Variants in MAF observed in about 807,000 individuals in gnomAD.
MAF encodes the protein transcription factor Maf.
MAF carries 10 observed loss-of-function variants against 22.0 expected under a neutral mutation model. That is an observed-to-expected ratio of 0.45 (90% confidence interval 0.28 to 0.77). The LOEUF is 0.77. Ranked by LOEUF, MAF falls within the 30% of genes least tolerant of loss-of-function variation. MAF has a pLI of 0.12. For synonymous variants in MAF, 337 were observed against 255.8 expected, an observed-to-expected ratio of 1.32 and a Z score of -3.03; for missense variants, 544 against 548.4, an observed-to-expected ratio of 0.99 and a Z score of 0.08.
At chr16:79,438,238 G>A in the MAF span, among the ~76,000 whole-genome samples, 1 of 152,192 alleles carries the variant, frequency 6.6e-6, no homozygotes, top group Non-Finnish European at 1.5e-5. Context: ...CAGATTATGT[G>A]GTTCCTGCAC....
At chr16:79,345,940 T>A in the MAF span, among the ~76,000 whole-genome samples, 1 of 152,044 alleles carries the variant, frequency 6.6e-6, no homozygotes, top group Non-Finnish European at 1.5e-5. Context: ...GCCAAAAGAA[T>A]AATTTTGAAT....
At chr16:79,299,001 T>C in the MAF span, among the ~76,000 whole-genome samples, 1 of 152,266 alleles carries the variant, frequency 6.6e-6, no homozygotes, top group African/African-American at 2.4e-5. Context: ...AGTGGCCCCT[T>C]CTAAGGAATC....
the MAF span, among the ~76,000 whole-genome samples, chr16:79,293,839 G>A: frequency 1.9e-5 from 1 of 54,048 alleles, no homozygotes; most frequent in Non-Finnish European, 3.3e-5. Flanking sequence ...TAAATGAAAA[G>A]AGAGAGAGAG....
chr16:79,359,372 A>T, the MAF span, among the ~76,000 whole-genome samples: 1 of 152,194 alleles, frequency 6.6e-6, no homozygotes, highest in East Asian at 1.9e-4. Flanking sequence ...GGCACAGCAA[A>T]AAGTTTCTCT....
At chr16:79,552,870 T>G in the MAF span, among the ~76,000 whole-genome samples, 208 of 152,330 alleles carry the variant, frequency 1.4e-3, 1 homozygote, top group African/African-American at 4.8e-3. Context: ...AGAGCTATGA[T>G]TCTAATGCCA....
the MAF span, among the ~76,000 whole-genome samples, chr16:79,240,773 A>G: frequency 6.6e-6 from 1 of 151,924 alleles, no homozygotes; most frequent in Non-Finnish European, 1.5e-5. Context: ...GTAGGGGCCA[A>G]TGGACACCTC....
chr16:79,358,106 C>G, the MAF span, among the ~76,000 whole-genome samples: 2 of 152,224 alleles, frequency 1.3e-5, no homozygotes. Flanking sequence ...CACGGCACAT[C>G]ACAGCCCCTG....
At chr16:79,303,569 C>A in the MAF span, among the ~76,000 whole-genome samples, 1 of 152,202 alleles carries the variant, frequency 6.6e-6, no homozygotes, top group Admixed American at 6.5e-5. Context: ...AATATGCCCT[C>A]TTCCAAAGGC....
the MAF span, among the ~76,000 whole-genome samples, chr16:79,328,397 G>A: frequency 6.6e-6 from 1 of 152,162 alleles, no homozygotes; most frequent in Admixed American, 6.5e-5. Flanking sequence ...TTGTGCTGGA[G>A]AGGGAAACAG....
the MAF span, among the ~76,000 whole-genome samples, chr16:79,339,273 G>A: frequency 4.6e-5 from 7 of 152,068 alleles, no homozygotes; most frequent in South Asian, 2.1e-4. Context: ...GGGTTTCACC[G>A]TGGTCTCGAT....
chr16:79,259,837 T>G, the MAF span, among the ~76,000 whole-genome samples: 21 of 151,964 alleles, frequency 1.4e-4, no homozygotes, highest in Non-Finnish European at 2.5e-4. Context: ...GGAGGGTGGA[T>G]TTGATTTAAT....
the MAF span, among the ~76,000 whole-genome samples, chr16:79,210,893 T>A: frequency 6.6e-6 from 1 of 152,188 alleles, no homozygotes; most frequent in Non-Finnish European, 1.5e-5. Flanking sequence ...CATTTTGAAG[T>A]GGGCTGGGAG....
chr16:79,211,548 ACGC>A, the MAF span: 3 of 1,609,492 alleles, frequency 1.9e-6, no homozygotes, highest in Non-Finnish European at 2.5e-6. Flanking sequence ...AGTCGAAATG[ACGC>A]CATCTCATCA....
At chr16:79,310,169 T>C in the MAF span, among the ~76,000 whole-genome samples, 1 of 152,188 alleles carries the variant, frequency 6.6e-6, no homozygotes, top group African/African-American at 2.4e-5. Flanking sequence ...GGCACAAGGT[T>C]CAGCCACCCT....
chr16:79,361,675 G>C, the MAF span, among the ~76,000 whole-genome samples: 1 of 151,802 alleles, frequency 6.6e-6, no homozygotes, highest in Non-Finnish European at 1.5e-5. Context: ...CTGCACGAAA[G>C]ATTGGTTTTT....
At chr16:79,203,249 A>G in the MAF span, 1 of 152,350 alleles carries the variant, frequency 6.6e-6, no homozygotes, top group Admixed American at 6.5e-5. Context: ...TCTCCACAGT[A>G]TGTTCTAAAT....
the MAF span, among the ~76,000 whole-genome samples, chr16:79,318,876 GC>G: frequency 2.0e-5 from 3 of 152,162 alleles, no homozygotes; most frequent in African/African-American, 7.2e-5. Flanking sequence ...TAAGACAAAA[GC>G]TGTGGATTCC....
the MAF span, among the ~76,000 whole-genome samples, chr16:79,213,568 G>A: frequency 6.6e-6 from 1 of 152,202 alleles, no homozygotes; most frequent in Admixed American, 6.5e-5. Flanking sequence ...GCTTTGCACT[G>A]GGGCTTGCCT....
chr16:79,319,541 C>A, the MAF span, among the ~76,000 whole-genome samples: 1 of 152,120 alleles, frequency 6.6e-6, no homozygotes, highest in African/African-American at 2.4e-5. Flanking sequence ...AAAATTTGGG[C>A]TGTAACAGAT....
Sources: gnomAD v4.1 joint callset for allele counts (sites outside exome capture counted in the v4.1 genomes callset) on GRCh38, gnomAD v4.1.1 for gene constraint, MANE v1.5 for transcripts, NCBI Gene and HGNC (gene_info 2026-07-23, HGNC 2026-07-21) for gene names.